The following LINGO2 variants were observed in gnomAD, a reference collection of about 807,000 sequenced individuals.
The protein encoded by LINGO2 is leucine-rich repeat and immunoglobulin-like domain-containing nogo receptor-interacting protein 2.
A neutral mutation model predicts 30.6 loss-of-function variants in LINGO2; 14 were observed. That is an observed-to-expected ratio of 0.46 (90% CI 0.30 to 0.72). The LOEUF (loss-of-function observed/expected upper bound fraction) is 0.72. LINGO2 is among the 30% of genes least tolerant of loss of function. The pLI, the probability that LINGO2 is intolerant of heterozygous loss-of-function variation, is 0.07. For missense variants in LINGO2, 729 were observed against 751.7 expected (o/e 0.97, Z 0.35); for synonymous variants, 317 against 288.5 (o/e 1.10, Z -1.00).
chr9:28,395,950 A>G (rs1822023253), intron 2 of LINGO2, among the ~76,000 whole-genome samples: 1 of 152,194 alleles, frequency 6.6e-6, no homozygotes, highest in African/African-American at 2.4e-5. Context: ...TTGGTCTTCA[A>G]TATAGATTCC....
At chr9:29,064,678 T>A in the LINGO2 span, among the ~76,000 whole-genome samples, 43 of 152,136 alleles carry the variant, frequency 2.8e-4, no homozygotes, top group African/African-American at 9.6e-4. Flanking sequence ...TACATACAGT[T>A]ATGATATTAT....
rs373518765 is a variant in LINGO2, at chr9:28,176,885, G to T, written c.-87+118323C>A. Among the ~76,000 whole-genome samples, 18 of 152,216 alleles carry T rather than the reference G, an allele frequency of 1.2e-4. No homozygotes were observed. In the East Asian group the frequency reaches 3.3e-3, roughly 28 times the overall value. ...TGTTACTCAATCATTTAAAACTCAA[G>T]AATCATATTTTCAATCTTTCCTGAC... On this transcript the variant is annotated intron_variant, in intron 4 of 5. Coordinates refer to ENST00000379992, the Ensembl canonical transcript of LINGO2.
chr9:28,776,613 ATTCCACAAAAATTG>A, the LINGO2 span, among the ~76,000 whole-genome samples: 3 of 151,978 alleles, frequency 2.0e-5, no homozygotes, highest in African/African-American at 7.2e-5. Flanking sequence ...CCCTCTCTCT[ATTCCACAAAAATTG>A]TTAAGGGCAC....
the LINGO2 span, among the ~76,000 whole-genome samples, chr9:28,980,824 T>TTA: frequency 3.3e-5 from 5 of 152,124 alleles, 1 homozygote; most frequent in Admixed American, 3.3e-4. Context: ...TTTATTTTTT[T>TTA]ATCATCAATA....
At chr9:28,836,093 A>G in the LINGO2 span, among the ~76,000 whole-genome samples, 1 of 152,222 alleles carries the variant, frequency 6.6e-6, no homozygotes, top group Non-Finnish European at 1.5e-5. Context: ...AGACAACAAG[A>G]AAACTGTAGC....
chr9:28,199,157 T>C (rs947755045), intron 4 of LINGO2, among the ~76,000 whole-genome samples: 1 of 152,148 alleles, frequency 6.6e-6, no homozygotes, highest in Non-Finnish European at 1.5e-5. Context: ...ATCTGACTCC[T>C]GGTATTTGGG....
At chr9:28,691,873 T>C in the LINGO2 span, among the ~76,000 whole-genome samples, 1 of 152,152 alleles carries the variant, frequency 6.6e-6, no homozygotes, top group African/African-American at 2.4e-5. Flanking sequence ...AATATAGCAA[T>C]TTCTGAAGAA....
intron 4 of LINGO2, among the ~76,000 whole-genome samples, chr9:28,254,409 T>C (rs1268615642): frequency 2.0e-5 from 3 of 152,066 alleles, no homozygotes; most frequent in Non-Finnish European, 4.4e-5. Context: ...TTTCTTAATA[T>C]ACAATATCAC....
intron 4 of LINGO2, among the ~76,000 whole-genome samples, chr9:28,288,135 A>G (rs914818574): frequency 1.3e-5 from 2 of 152,116 alleles, no homozygotes; most frequent in Non-Finnish European, 2.9e-5. Flanking sequence ...AAAAACATAT[A>G]TATAAATGGC....
At chr9:29,090,970 T>A in the LINGO2 span, among the ~76,000 whole-genome samples, 1 of 152,084 alleles carries the variant, frequency 6.6e-6, no homozygotes, top group African/African-American at 2.4e-5. Context: ...AATTCCTACA[T>A]GCACAGTTAT....
chr9:29,125,913 C>A, the LINGO2 span, among the ~76,000 whole-genome samples: 1 of 151,944 alleles, frequency 6.6e-6, no homozygotes, highest in Non-Finnish European at 1.5e-5. Flanking sequence ...ACTAATCAAG[C>A]AAAATATAAA....
chr9:27,999,778 C>T (rs1821856191), intron 5 of LINGO2, among the ~76,000 whole-genome samples: 2 of 152,212 alleles, frequency 1.3e-5, no homozygotes, highest in South Asian at 4.1e-4. Flanking sequence ...ACTTCTAGGA[C>T]TTGGGAACTC....
chr9:29,161,620 A>G, the LINGO2 span, among the ~76,000 whole-genome samples: 5 of 152,156 alleles, frequency 3.3e-5, no homozygotes, highest in African/African-American at 1.2e-4. Context: ...CTGATTCAAT[A>G]GGTAGGAGGT....
chr9:28,119,011 T>A (rs1237684722), intron 4 of LINGO2, among the ~76,000 whole-genome samples: 2 of 151,300 alleles, frequency 1.3e-5, no homozygotes, highest in Admixed American at 6.6e-5. Context: ...AGAGCCTGGG[T>A]TAAATATAAT....
the LINGO2 span, among the ~76,000 whole-genome samples, chr9:28,903,975 A>G: frequency 6.6e-6 from 1 of 152,164 alleles, no homozygotes; most frequent in Non-Finnish European, 1.5e-5. Flanking sequence ...ATACTAGCAA[A>G]TCAAATTCAA....
chr9:28,684,752 C>T, the LINGO2 span, among the ~76,000 whole-genome samples: 2 of 151,948 alleles, frequency 1.3e-5, no homozygotes, highest in African/African-American at 4.8e-5. Context: ...CTTCTGACCT[C>T]AAGTGATCTG....
chr9:28,372,432 A>G (rs6476061), intron 3 of LINGO2, among the ~76,000 whole-genome samples: 119,243 of 152,090 alleles, frequency 0.78, 47,979 homozygotes, highest in Middle Eastern at 0.9. Context: ...CAAACTTCAC[A>G]TTCTTATAGG....
At chr9:28,208,613 C>T (rs1394836414) in intron 4 of LINGO2, among the ~76,000 whole-genome samples, 2 of 151,950 alleles carry the variant, frequency 1.3e-5, no homozygotes, top group Admixed American at 1.3e-4. Context: ...CTGGAGTACA[C>T]AGCTTTCCTC....
At chr9:28,059,431 C>T (rs1310916019) in intron 4 of LINGO2, among the ~76,000 whole-genome samples, 1 of 152,086 alleles carries the variant, frequency 6.6e-6, no homozygotes, top group Non-Finnish European at 1.5e-5. Context: ...CGGTCTTTGT[C>T]CACCCGCACG....
Sources: allele counts gnomAD v4.1 joint callset (sites outside exome capture counted in the v4.1 genomes callset), GRCh38; gene constraint gnomAD v4.1.1; transcripts MANE v1.5; gene names NCBI Gene and HGNC (gene_info 2026-07-23, HGNC 2026-07-21).